The following KHSRP variants were observed in gnomAD, a reference collection of about 807,000 sequenced individuals.
KHSRP encodes the protein KH-type splicing regulatory protein.
In KHSRP, 13 loss-of-function variants were observed where a neutral mutation model predicts 94.9. The ratio of observed to expected loss-of-function variants is 0.14; its 90% CI spans 0.09 to 0.22. The LOEUF is 0.22. Among genes scored for constraint, KHSRP ranks in the 10% least tolerant of loss-of-function variants. The pLI, the probability that KHSRP is intolerant of heterozygous loss-of-function variation, is 1.00. For missense variants in KHSRP, 710 were observed against 1,010.0 expected (o/e 0.70, Z 4.03); for synonymous variants, 495 against 401.4 (o/e 1.23, Z -2.79).
Position 6,415,185 on chromosome 19 carries a change from G to A in KHSRP, c.2083C>T (p.Pro695Ser). The A allele has an allele frequency of 6.2e-7, 1 of 1,610,670 alleles. No individual in the cohort carries two copies. The highest frequency in any genetic ancestry group is 2.2e-5 in the East Asian group (1 of 44,886). The part of the protein sequence containing the change: ...QAAYYGQTPG[P>S]GGPQPPPTQQ... ...GTGGGCGGCGGCTGGGGGCCGCCAGGACCTGGGGTCTGTCCGTAGTAAGCG... is the reference window on the plus strand; with the variant it reads ...GTGGGCGGCGGCTGGGGGCCGCCAGAACCTGGGGTCTGTCCGTAGTAAGCG... The change falls in exon 19 of 19, where the codon CCT becomes TCT. Residue 695 changes from proline to serine, a missense_variant. By Grantham distance (74) the Pro-to-Ser change is moderately conservative (BLOSUM62 -1). This residue lies in a region of KHSRP where 292 missense variants were observed against 340.5 expected (regional missense o/e 0.86). Transcript: ENST00000600480.
chr19:6,419,701 G>A (rs2092183356), intron 6 of KHSRP, among the ~76,000 whole-genome samples: 1 of 152,036 alleles, frequency 6.6e-6, no homozygotes, highest in South Asian at 2.1e-4. Context: ...TTTGCTCCTG[G>A]GCCTGACCTC....
chr19:6,415,501 G>A (rs1387959907), intron 17 of KHSRP, 33 bp downstream of exon 17: 2 of 1,548,538 alleles, frequency 1.3e-6, no homozygotes, highest in African/African-American at 1.4e-5. Context: ...CCCCCGGCAG[G>A]GCTGGAGCCC....
Position 6,413,939 on chromosome 19 carries a change from A to T in KHSRP, c.*1085T>A, listed in dbSNP as rs2092120214. 1.3e-6 allele frequency: 1 copy of T among 772,252 alleles called. No individual in the cohort carries two copies. Among genetic ancestry groups the T allele is most frequent in the South Asian group, 2.5e-5 (1 of 39,948 alleles). The allele number at this position is 772,252 out of a possible 1,614,324, so 47.8% of individuals were successfully genotyped here. A position where few individuals can be genotyped will look rare whatever the true frequency, so the allele number is the denominator to read the frequency against. On this transcript the variant is annotated 3_prime_UTR_variant, in exon 19 of 19. Coordinates refer to ENST00000600480, the MANE Select transcript of KHSRP (RefSeq NM_001366299.1). ...ATGTGAGACACAGAACAGGCGAGAGAGTGAGGGCCCGGCATGCCCCCAAGT... is the reference window on the plus strand; with the variant it reads ...ATGTGAGACACAGAACAGGCGAGAGTGTGAGGGCCCGGCATGCCCCCAAGT...
Position 6,414,366 on chromosome 19 carries a change from C to A in KHSRP, c.*658G>T. On this transcript the variant is annotated 3_prime_UTR_variant, in exon 19 of 19. Transcript: ENST00000600480. ...CAGAGCAGGAAGAGAGGAGAGGGGCCGCGGAGGGCGGAGGCGCTAGGGTCG... is the reference window on the plus strand; with the variant it reads ...CAGAGCAGGAAGAGAGGAGAGGGGCAGCGGAGGGCGGAGGCGCTAGGGTCG... 7.4e-7 allele frequency: 1 copy of A among 1,352,622 alleles called. No individual in the cohort carries two copies. The highest frequency in any genetic ancestry group is 9.5e-7 in the Non-Finnish European group (1 of 1,049,716). 83.8% of individuals were successfully genotyped at this position (1,352,622 alleles called of 1,614,324 possible).
Position 6,414,311 on chromosome 19 carries a change from T to C in KHSRP, c.*713A>G. Reference sequence around the variant, plus strand: ...CAGGTGCTCGCGGGACTCGCTGAAGTCACGCTGCTCCCTGATGGAGAAGGA... The same window carrying C: ...CAGGTGCTCGCGGGACTCGCTGAAGCCACGCTGCTCCCTGATGGAGAAGGA... On this transcript the variant is annotated 3_prime_UTR_variant, in exon 19 of 19. Transcript: ENST00000600480. 7.2e-7 allele frequency: 1 copy of C among 1,393,932 alleles called. No individual in the cohort carries two copies. The highest frequency in any genetic ancestry group is 9.4e-7 in the Non-Finnish European group (1 of 1,067,380). 86.3% of individuals were successfully genotyped at this position (1,393,932 alleles called of 1,614,324 possible). A position where few individuals can be genotyped will look rare whatever the true frequency, so the allele number is the denominator to read the frequency against.
In KHSRP at chr19:6,418,271, CAGA is replaced by C. The variant is rs1160466713; in HGVS notation, c.880-195_880-193del. ...GCAGCCCCGTTTCCAGATAAAAAAG[CAGA>C]AGGTCAGAGGTGAGGCCGGTGCCTC... On this transcript the variant is annotated intron_variant, in intron 9 of 18. Coordinates refer to ENST00000600480, the MANE Select transcript of KHSRP (RefSeq NM_001366299.1). The surrounding 1 kb of genome is among the most constrained non-coding windows in gnomAD (Gnocchi z 4.3). 3.9e-5 allele frequency among the ~76,000 whole-genome samples: 6 copies of C among 152,140 alleles called. No homozygotes were observed. The South Asian group carries it at 6.2e-4, about 16-fold the overall frequency.
At position 6,422,198 on chromosome 19, in the gene KHSRP, G is replaced by T. The variant is rs1050242871; in HGVS notation, c.346+142C>A. 4.1e-5 allele frequency: 25 copies of T among 607,408 alleles called. No individual in the cohort carries two copies. The East Asian group carries it at 6.7e-4, about 16-fold the overall frequency. The allele number at this position is 607,408 out of a possible 1,614,324, so 37.6% of individuals were successfully genotyped here. A position where few individuals can be genotyped will look rare whatever the true frequency, so the allele number is the denominator to read the frequency against. On this transcript the variant is annotated intron_variant, in intron 2 of 18. Transcript: ENST00000600480. ...CTCAGGATGGCAGACGGAACAAGAA[G>T]AATTAACAAGGCCGGGATTGCTGAG...
intron 5 of KHSRP, 94 bp from the exon 6 acceptor site, chr19:6,420,238 C>T (rs544856426): frequency 1.5e-5 from 19 of 1,231,926 alleles, no homozygotes; most frequent in Non-Finnish European, 2.0e-5. Flanking sequence ...GCCCCTCTGA[C>T]GTTCAGGAGG....
Position 6,414,009 on chromosome 19 carries a change from G to T in KHSRP, c.*1015C>A, listed in dbSNP as rs573855333. On this transcript the variant is annotated 3_prime_UTR_variant, in exon 19 of 19. Coordinates refer to ENST00000600480, the MANE Select transcript of KHSRP (RefSeq NM_001366299.1). ...GCGAGGGCTCCCCAGTACTCCCCAC[G>T]GCAGCCATCGCTCTCTCGCCAAACA... is the stretch of plus-strand genomic sequence containing the variant. 171 of 1,244,116 alleles carry T rather than the reference G, an allele frequency of 1.4e-4. No individual in the cohort carries two copies. The highest frequency in any genetic ancestry group is 1.7e-4 in the Non-Finnish European group (159 of 940,144). 77.1% of individuals were successfully genotyped at this position (1,244,116 alleles called of 1,614,324 possible).
intron 4 of KHSRP, 94 bp downstream of exon 4, chr19:6,421,184 G>T: frequency 1.7e-6 from 2 of 1,160,408 alleles, no homozygotes; most frequent in Non-Finnish European, 2.5e-6. Context: ...AAACCTGAGA[G>T]ATGTGCCCCC....
chr19:6,417,028 G>A lies in KHSRP; in HGVS notation c.1141C>T (p.His381Tyr). Residue 381 changes from histidine (H) to tyrosine (Y), a missense_variant, in exon 12 of 19, where the codon CAC becomes TAC. This residue lies in a region of KHSRP where 288 missense variants were observed against 501.1 expected (regional missense o/e 0.57). Transcript: ENST00000600480. ...AGGTCGTTGATGATCCGGGCTGCGT[G>A]CTCGCACCTGTCTGGGGGCCCCATT... ...HIMGPPDRCE[H>Y]AARIINDLLQ... is the part of the protein sequence containing the mutation. The A allele has an allele frequency of 1.2e-6, 2 of 1,613,698 alleles. No homozygotes were observed. The highest frequency in any genetic ancestry group is 1.7e-6 in the Non-Finnish European group (2 of 1,179,856).
In KHSRP at chr19:6,414,218, G is replaced by T. The variant is rs767612961; in HGVS notation, c.*806C>A. The T allele has an allele frequency of 4.6e-6, 7 of 1,523,562 alleles. No individual in the cohort carries two copies. The Admixed American group carries it at 9.5e-5, about 21-fold the overall frequency. 94.4% of individuals were successfully genotyped at this position (1,523,562 alleles called of 1,614,324 possible). On this transcript the variant is annotated 3_prime_UTR_variant, in exon 19 of 19. Coordinates refer to ENST00000600480, the MANE Select transcript of KHSRP (RefSeq NM_001366299.1). ...GGAGGGGCTGGAACACCGTGGGGGGGGCCAGGAAGCCCCCTCCCAAACCTG... is the reference window on the plus strand; with the variant it reads ...GGAGGGGCTGGAACACCGTGGGGGGTGCCAGGAAGCCCCCTCCCAAACCTG...
Position 6,416,284 on chromosome 19 carries a change from C to G in KHSRP, c.1598+14G>C, listed in dbSNP as rs776412201. The stretch of plus-strand genomic sequence containing the variant: ...GCCCCCGGCCTCAAAACCCAGGAGG[C>G]AGAGGATACTCACTGTGGGGGAGCC... On this transcript the variant is annotated intron_variant, in intron 15 of 18. Coordinates refer to ENST00000600480, the MANE Select transcript of KHSRP (RefSeq NM_001366299.1). 6.3e-7 allele frequency: 1 copy of G among 1,584,124 alleles called. No homozygotes were observed. Among genetic ancestry groups the G allele is most frequent in the Non-Finnish European group, 8.6e-7 (1 of 1,164,808 alleles).
rs1467176154 is a variant in KHSRP at position 6,416,726 on chromosome 19, G to A, written c.1327+12C>T. 3.7e-6 allele frequency: 6 copies of A among 1,604,628 alleles called. No individual in the cohort carries two copies. In the East Asian group the frequency reaches 6.7e-5, roughly 18 times the overall value. Reference sequence around the variant, plus strand: ...AGGGGGCAAGGGATAGGGTGCAGGGGGCCACACTCACCTCGGCCGATGACC... The same window carrying A: ...AGGGGGCAAGGGATAGGGTGCAGGGAGCCACACTCACCTCGGCCGATGACC... On this transcript the variant is annotated intron_variant, in intron 13 of 18. Transcript: ENST00000600480.
At chr19:6,419,054 A>T in intron 7 of KHSRP, 149 bp downstream of exon 7, 1 of 1,074,534 alleles carries the variant, frequency 9.3e-7, no homozygotes, top group Non-Finnish European at 1.3e-6. Context: ...GCTGCCGGGG[A>T]ATCAGCCTCA....
Position 6,424,599 on chromosome 19 carries a change from G to A in KHSRP, c.103C>T (p.Pro35Ser). The part of the protein sequence containing the change: ...GAGGGPPPGP[P>S]GAGDRGGGGP... ...CCGCCGCCCCGGTCCCCCGCGCCTG[G>A]CGGGCCCGGCGGAGGGCCTCCCCCG... The change falls in exon 1 of 19, where the codon CCA becomes TCA. Residue 35 changes from proline to serine, a missense_variant. Transcript: ENST00000600480. 1 of 964,548 alleles carries A rather than the reference G, an allele frequency of 1.0e-6. No homozygotes were observed. The highest frequency in any genetic ancestry group is 6.5e-5 in the Admixed American group (1 of 15,476). 59.7% of individuals were successfully genotyped at this position (964,548 alleles called of 1,614,324 possible).
intron 1 of KHSRP, among the ~76,000 whole-genome samples, chr19:6,423,716 G>C (rs138865649): frequency 6.6e-6 from 1 of 152,322 alleles, no homozygotes; most frequent in Admixed American, 6.5e-5. Context: ...GGAGCCGGTC[G>C]GCGGCAAAGT....
At chr19:6,423,673 A>G (rs1042401596) in intron 1 of KHSRP, among the ~76,000 whole-genome samples, 1 of 152,246 alleles carries the variant, frequency 6.6e-6, no homozygotes, top group Non-Finnish European at 1.5e-5. Flanking sequence ...GGGAGGAGCC[A>G]GTCTCTAGCC....
Position 6,413,584 on chromosome 19 carries a change from C to A in KHSRP, c.*1440G>T. 2 of 218,830 alleles carry A rather than the reference C, an allele frequency of 9.1e-6. No individual in the cohort carries two copies. The highest frequency in any genetic ancestry group is 5.5e-5 in the Admixed American group (1 of 18,138). 13.6% of individuals were successfully genotyped at this position (218,830 alleles called of 1,614,324 possible). On this transcript the variant is annotated 3_prime_UTR_variant, in exon 19 of 19. Coordinates refer to ENST00000600480, the MANE Select transcript of KHSRP (RefSeq NM_001366299.1). ...TGGGGGAAGGGGTCCTGCAATACAA[C>A]ACCTGGTCCAAGGAATGTTCCACCT... is the stretch of plus-strand genomic sequence containing the variant.
Sources: gnomAD v4.1 joint callset for allele counts (sites outside exome capture counted in the v4.1 genomes callset) on GRCh38, gnomAD v4.1.1 for gene constraint, gnomAD v4.1.1 regional missense constraint, Gnocchi (gnomAD v3.1) non-coding constraint, MANE v1.5 for transcripts, NCBI Gene and HGNC (gene_info 2026-07-23, HGNC 2026-07-21) for gene names.